The following RBFOX1 variants were observed in gnomAD, a reference collection of about 807,000 sequenced individuals.
The protein encoded by RBFOX1 is RNA binding fox-1 homolog 1, also known as RNA binding protein fox-1 homolog 1.
A neutral mutation model predicts 57.7 loss-of-function variants in RBFOX1; 8 were observed. The ratio of observed to expected loss-of-function variants is 0.14; its 90% CI spans 0.08 to 0.25. RBFOX1 has a LOEUF of 0.25. RBFOX1 is among the 10% of genes least tolerant of loss of function. RBFOX1 has a pLI of 1.00. For synonymous variants in RBFOX1, 326 were observed against 222.4 expected (o/e 1.47, Z -4.15); for missense variants, 611 against 548.5 (o/e 1.11, Z -1.14).
At chr16:7,640,417 C>A in intron 11 of RBFOX1, among the ~76,000 whole-genome samples, 1 of 152,212 alleles carries the variant, frequency 6.6e-6, no homozygotes, top group Middle Eastern at 3.4e-3. Context: ...TGCAAAAGGC[C>A]GCCAGTTGCA....
Position 7,711,678 on chromosome 16 carries a change from C to A in RBFOX1, c.*933C>A, listed in dbSNP as rs1386334069. On this transcript the variant is annotated 3_prime_UTR_variant, in exon 16 of 16. Transcript: ENST00000550418. ...AGTTAAAAAAAATGTATAAAATTTA[C>A]ATCTGTGCAGTGGAGTTGTTAAGTT... The A allele has an allele frequency of 1.3e-5, 2 of 152,404 alleles. No individual in the cohort carries two copies. The highest frequency in any genetic ancestry group is 3.9e-4 in the East Asian group (2 of 5,182). The allele number at this position is 152,404 out of a possible 1,614,324, so 9.4% of individuals were successfully genotyped here.
chr16:6,924,082 G>A (rs779635905), intron 3 of RBFOX1, among the ~76,000 whole-genome samples: 30 of 151,790 alleles, frequency 2.0e-4, no homozygotes, highest in Non-Finnish European at 3.8e-4. Context: ...AGGCATGAGA[G>A]TCGCTTGAAC....
intron 2 of RBFOX1, among the ~76,000 whole-genome samples, chr16:6,504,251 G>T (rs1321512949): frequency 2.0e-5 from 3 of 152,194 alleles, no homozygotes; most frequent in African/African-American, 4.8e-5. Flanking sequence ...TCGATTCTGA[G>T]CTTCTCCACA....
At chr16:5,918,534 C>G (rs994981292) in intron 4 of RBFOX1, among the ~76,000 whole-genome samples, 2 of 152,210 alleles carry the variant, frequency 1.3e-5, no homozygotes, top group African/African-American at 2.4e-5. Flanking sequence ...GTTAATAGGC[C>G]TACTGACCAG....
At chr16:7,409,943 G>A (rs1485598992) in intron 4 of RBFOX1, among the ~76,000 whole-genome samples, 1 of 152,164 alleles carries the variant, frequency 6.6e-6, no homozygotes, top group African/African-American at 2.4e-5. Context: ...TGTGCCTGTG[G>A]TCTGAGCTGA....
intron 3 of RBFOX1, among the ~76,000 whole-genome samples, chr16:6,930,999 C>T (rs940496932): frequency 1.3e-5 from 2 of 151,824 alleles, no homozygotes; most frequent in African/African-American, 4.8e-5. Context: ...CCTATCTTCT[C>T]CTTTCTGGAT....
intron 1 of RBFOX1, among the ~76,000 whole-genome samples, chr16:6,081,268 C>T (rs545000647): frequency 5.3e-4 from 80 of 152,266 alleles, no homozygotes; most frequent in Middle Eastern, 6.8e-3. Context: ...CCTTTCAGCT[C>T]AGCCAAGATC....
chr16:6,855,531 T>C (rs1032403529), intron 3 of RBFOX1, among the ~76,000 whole-genome samples: 25 of 151,704 alleles, frequency 1.6e-4, no homozygotes, highest in African/African-American at 5.8e-4. Flanking sequence ...CAGGTGCCTG[T>C]AGTCCCAGCT....
intron 4 of RBFOX1, among the ~76,000 whole-genome samples, chr16:5,960,178 G>A (rs1166259724): frequency 6.6e-6 from 1 of 152,162 alleles, no homozygotes; most frequent in African/African-American, 2.4e-5. Flanking sequence ...TCCAGCCTGG[G>A]CAACAGAGTG....
chr16:7,086,062 G>A (rs1567203739), intron 4 of RBFOX1, among the ~76,000 whole-genome samples: 1 of 152,108 alleles, frequency 6.6e-6, no homozygotes. Flanking sequence ...CTCCATCACT[G>A]CTTGTTTTAT....
intron 3 of RBFOX1, among the ~76,000 whole-genome samples, chr16:7,008,170 C>A (rs1450537788): frequency 6.6e-6 from 1 of 152,050 alleles, no homozygotes; most frequent in Non-Finnish European, 1.5e-5. Flanking sequence ...ATAGTTGTTA[C>A]CGAAGAAAAT....
intron 1 of RBFOX1, among the ~76,000 whole-genome samples, chr16:6,253,129 C>T (rs932191488): frequency 6.6e-6 from 1 of 152,168 alleles, no homozygotes; most frequent in Non-Finnish European, 1.5e-5. Flanking sequence ...CACACACTTA[C>T]ATCTCTAATG....
At chr16:7,284,143 C>G (rs1474150107) in intron 4 of RBFOX1, among the ~76,000 whole-genome samples, 2 of 152,238 alleles carry the variant, frequency 1.3e-5, no homozygotes, top group African/African-American at 4.8e-5. Flanking sequence ...GAGTAGCATT[C>G]TGTGGTACAG....
chr16:5,549,689 C>G (rs543455490), intron 2 of RBFOX1, among the ~76,000 whole-genome samples: 2 of 152,242 alleles, frequency 1.3e-5, no homozygotes, highest in East Asian at 1.9e-4. Flanking sequence ...AAACCTAATA[C>G]AAATCATAGC....
At chr16:7,651,587 G>A (rs895987607) in intron 11 of RBFOX1, among the ~76,000 whole-genome samples, 9 of 152,212 alleles carry the variant, frequency 5.9e-5, no homozygotes, top group African/African-American at 2.2e-4. Context: ...GAGACATAAG[G>A]TGGAACGCTT....
intron 2 of RBFOX1, among the ~76,000 whole-genome samples, chr16:6,351,391 GAGGC>G (rs1388661275): frequency 8.0e-5 from 5 of 62,890 alleles, no homozygotes; most frequent in Non-Finnish European, 1.2e-4. Context: ...TTTTTTTCTT[GAGGC>G]AGAGTTTTGC....
intron 4 of RBFOX1, among the ~76,000 whole-genome samples, chr16:5,894,287 C>G (rs2058108627): frequency 6.6e-6 from 1 of 151,734 alleles, no homozygotes; most frequent in Non-Finnish European, 1.5e-5. Flanking sequence ...ATTATAAAAA[C>G]TTTTTTTTTG....
intron 4 of RBFOX1, among the ~76,000 whole-genome samples, chr16:5,993,519 G>C (rs1467429054): frequency 6.6e-6 from 1 of 152,076 alleles, no homozygotes; most frequent in Non-Finnish European, 1.5e-5. Flanking sequence ...CAAGTCTGTA[G>C]AATTCACCTT....
chr16:6,106,833 A>C (rs781117642), intron 1 of RBFOX1, among the ~76,000 whole-genome samples: 11 of 151,862 alleles, frequency 7.2e-5, no homozygotes, highest in Non-Finnish European at 1.2e-4. Flanking sequence ...ATGCCTGGCT[A>C]ATTTTTTTTT....
Sources: gnomAD v4.1 joint callset for allele counts (sites outside exome capture counted in the v4.1 genomes callset) on GRCh38, gnomAD v4.1.1 for gene constraint, MANE v1.5 for transcripts, NCBI Gene and HGNC (gene_info 2026-07-23, HGNC 2026-07-21) for gene names.